THOC7: variants seen among roughly 807,000 people sequenced by gnomAD.
THOC7 encodes the protein THO complex subunit 7.
A neutral mutation model predicts 33.1 loss-of-function variants in THOC7; 22 were observed. The observed-to-expected ratio is 0.66, with a 90% CI of 0.47 to 0.95. The LOEUF is 0.95. Ranked by LOEUF, THOC7 falls within the 40% of genes least tolerant of loss-of-function variation. The pLI, the probability that THOC7 is intolerant of heterozygous loss-of-function variation, is 0.00. For missense variants in THOC7, 184 were observed against 245.3 expected, an observed-to-expected ratio of 0.75 and a Z score of 1.67; for synonymous variants, 77 against 76.8, an observed-to-expected ratio of 1.00 and a Z score of -0.01.
chr3:63,853,833 G>A (rs1702061444), intron 1 of THOC7, among the ~76,000 whole-genome samples: 4 of 151,776 alleles, frequency 2.6e-5, no homozygotes, highest in African/African-American at 9.7e-5. Context: ...GCGTGAACCC[G>A]GGAGGTGGAG....
chr3:63,859,008 C>T (rs1234611250), intron 1 of THOC7, among the ~76,000 whole-genome samples: 2 of 152,184 alleles, frequency 1.3e-5, no homozygotes, highest in Non-Finnish European at 2.9e-5. Context: ...GTGATACAGG[C>T]ACATCAAATT....
chr3:63,845,093 CCTT>C, intron 1 of THOC7: 2 of 693,630 alleles, frequency 2.9e-6, no homozygotes, highest in East Asian at 2.7e-5. Flanking sequence ...GTGATGCTAA[CCTT>C]CTTTTCTGGG....
At chr3:63,854,870 T>C (rs2107159387) in intron 1 of THOC7, 1 of 151,250 alleles carries the variant, frequency 6.6e-6, no homozygotes, top group African/African-American at 2.4e-5. Flanking sequence ...TAGCCGGGCG[T>C]AGTGGCGGGC....
chr3:63,858,478 G>A (rs1430288220), intron 1 of THOC7, among the ~76,000 whole-genome samples: 4 of 151,560 alleles, frequency 2.6e-5, no homozygotes, highest in African/African-American at 7.3e-5. Flanking sequence ...AAAAGCTACC[G>A]TCAAAACCAG....
At chr3:63,845,029 A>T (rs1327222991) in intron 1 of THOC7, 1 of 699,484 alleles carries the variant, frequency 1.4e-6, no homozygotes, top group South Asian at 1.5e-5. Flanking sequence ...ACAGATGACC[A>T]CAAAAGGACC....
chr3:63,838,863 A>T (rs576259540), intron 2 of THOC7, among the ~76,000 whole-genome samples: 1 of 152,302 alleles, frequency 6.6e-6, no homozygotes, highest in African/African-American at 2.4e-5. Context: ...ATGGAAAGCA[A>T]ATTCAAATGA....
rs1387724934 is a variant in THOC7, at chr3:63,845,093, C to A, written c.20-5320G>T. The A allele has an allele frequency of 7.2e-6, 5 of 693,512 alleles. No homozygotes were observed. The African/African-American group carries it at 8.8e-5, about 12-fold the overall frequency. The allele number at this position is 693,512 out of a possible 1,614,324, so 43.0% of individuals were successfully genotyped here. On this transcript the variant is annotated intron_variant, in intron 1 of 7. Transcript: ENST00000295899. ...GGAACACAGGAAAAGGTGATGCTAACCTTCTTTTCTGGGGGTGGGGGGTAC... is the reference window on the plus strand; with the variant it reads ...GGAACACAGGAAAAGGTGATGCTAAACTTCTTTTCTGGGGGTGGGGGGTAC...
At chr3:63,856,945 C>A (rs1702126742) in intron 1 of THOC7, among the ~76,000 whole-genome samples, 1 of 152,190 alleles carries the variant, frequency 6.6e-6, no homozygotes, top group South Asian at 2.1e-4. Flanking sequence ...GTCTTGAACG[C>A]CTGACCTCGT....
chr3:63,856,813 G>C (rs969492367), intron 1 of THOC7, among the ~76,000 whole-genome samples: 3 of 152,022 alleles, frequency 2.0e-5, no homozygotes, highest in African/African-American at 7.2e-5. Flanking sequence ...CGCCTCCCAG[G>C]TTCATGCCAC....
At chr3:63,861,976 A>G (rs1462082489) in intron 1 of THOC7, among the ~76,000 whole-genome samples, 1 of 151,980 alleles carries the variant, frequency 6.6e-6, no homozygotes, top group East Asian at 1.9e-4. Flanking sequence ...GTATTTGTAG[A>G]CATGGGGTCT....
At position 63,860,438 on chromosome 3, in the gene THOC7, A is replaced by C. The variant is rs114596893; in HGVS notation, c.19+3334T>G. Among the ~76,000 whole-genome samples, 551 of 152,320 alleles carry C rather than the reference A, an allele frequency of 3.6e-3. 2 individuals carry two copies. Among genetic ancestry groups the C allele is most frequent in the African/African-American group, 0.013 (524 of 41,584 alleles). On this transcript the variant is annotated intron_variant, in intron 1 of 7. Transcript: ENST00000295899. ...GCTACAAAACAGCTCTATGATCTTC[A>C]GTGCTGAAAAGAGGTTAAGGATATG... is the stretch of plus-strand genomic sequence containing the variant.
chr3:63,857,356 C>T (rs572181315), intron 1 of THOC7, among the ~76,000 whole-genome samples: 14 of 152,084 alleles, frequency 9.2e-5, no homozygotes, highest in African/African-American at 2.9e-4. Context: ...AATTCTACTC[C>T]GTTACTGAAT....
At chr3:63,838,643 C>T in intron 2 of THOC7, 144 bp from the exon 3 acceptor site, 1 of 778,984 alleles carries the variant, frequency 1.3e-6, no homozygotes, top group Middle Eastern at 3.6e-4. Flanking sequence ...GAATATCTGT[C>T]CCTTAAGTTT....
At chr3:63,863,358 A>T in intron 1 of THOC7, 3 of 808,988 alleles carry the variant, frequency 3.7e-6, no homozygotes, top group Non-Finnish European at 4.5e-6. Flanking sequence ...GCCCGGCACC[A>T]CTGTCCACCC....
intron 1 of THOC7, among the ~76,000 whole-genome samples, chr3:63,848,114 C>A (rs1339081037): frequency 2.0e-5 from 3 of 152,150 alleles, no homozygotes; most frequent in Non-Finnish European, 4.4e-5. Flanking sequence ...AAATATATTT[C>A]TTTGATGTAT....
At chr3:63,853,157 G>GAAAAAA (rs1195911287) in intron 1 of THOC7, among the ~76,000 whole-genome samples, 1 of 73,492 alleles carries the variant, frequency 1.4e-5, no homozygotes, top group African/African-American at 5.1e-5. Context: ...TCTCAAAAAA[G>GAAAAAA]AAAAAAAAAA....
intron 6 of THOC7, 40 bp from the exon 7 acceptor site, chr3:63,835,263 TATATAGATATATAGACAGAC>T: frequency 6.2e-7 from 1 of 1,612,466 alleles, no homozygotes; most frequent in Non-Finnish European, 8.5e-7. Context: ...ATGACCTGTA[TATATAGATATATAGACAGAC>T]AGATAGACAG....
chr3:63,842,294 T>C (rs1346051207), intron 1 of THOC7, among the ~76,000 whole-genome samples: 1 of 152,016 alleles, frequency 6.6e-6, no homozygotes, highest in Non-Finnish European at 1.5e-5. Flanking sequence ...GAGGCTATTA[T>C]CAAAAAGACA....
At chr3:63,864,383 G>C (rs573046639), upstream of THOC7, 2 of 152,090 alleles carry the variant, frequency 1.3e-5, no homozygotes, top group Non-Finnish European at 2.9e-5. Context: ...GGTACCGAGG[G>C]GGGCGCGTCG....
Sources: allele counts gnomAD v4.1 joint callset (sites outside exome capture counted in the v4.1 genomes callset), GRCh38; gene constraint gnomAD v4.1.1; transcripts MANE v1.5; gene names NCBI Gene and HGNC (gene_info 2026-07-23, HGNC 2026-07-21).